MGAT4C: variants seen among roughly 807,000 people sequenced by gnomAD.
MGAT4C encodes MGAT4 family member C.
A neutral mutation model predicts 40.1 loss-of-function variants in MGAT4C; 19 were observed. That is an observed-to-expected ratio of 0.47 (90% CI 0.33 to 0.70). The LOEUF (loss-of-function observed/expected upper bound fraction) is 0.70. Among genes scored for constraint, MGAT4C ranks in the 30% least tolerant of loss-of-function variants. The probability of loss-of-function intolerance (pLI) is 0.02; values close to 1 mark genes in which losing one functional copy is unlikely to be tolerated. For synonymous variants in MGAT4C, 181 were observed against 187.1 expected, an observed-to-expected ratio of 0.97 and a Z score of 0.27; for missense variants, 491 against 563.2, an observed-to-expected ratio of 0.87 and a Z score of 1.30.
intron 2 of MGAT4C, among the ~76,000 whole-genome samples, chr12:86,723,856 AC>A (rs1950777440): frequency 6.6e-6 from 1 of 152,236 alleles, no homozygotes; most frequent in Non-Finnish European, 1.5e-5. Context: ...ATAAAATGTA[AC>A]AACTGCCTTA....
At chr12:86,662,208 T>A (rs1430714017) in intron 2 of MGAT4C, among the ~76,000 whole-genome samples, 1 of 152,142 alleles carries the variant, frequency 6.6e-6, no homozygotes, top group Non-Finnish European at 1.5e-5. Flanking sequence ...CAGAGCAATA[T>A]GAGATTAACT....
chr12:86,298,028 C>T (rs1331813567), intron 4 of MGAT4C, among the ~76,000 whole-genome samples: 1 of 151,914 alleles, frequency 6.6e-6, no homozygotes. Context: ...TACATACATG[C>T]ATAAATACAT....
chr12:86,764,768 A>C (rs1473944781), intron 1 of MGAT4C, among the ~76,000 whole-genome samples: 1 of 152,142 alleles, frequency 6.6e-6, no homozygotes, highest in Admixed American at 6.5e-5. Flanking sequence ...TCTGGAGTGG[A>C]CCTCTAGCAA....
chr12:86,125,466 C>T (rs1880077742), intron 1 of MGAT4C, among the ~76,000 whole-genome samples: 2 of 152,146 alleles, frequency 1.3e-5, no homozygotes, highest in African/African-American at 4.8e-5. Flanking sequence ...TAACCATTCC[C>T]ATTTTTTCCC....
intron 2 of MGAT4C, among the ~76,000 whole-genome samples, chr12:86,612,761 AGTAGAT>A (rs1459371698): frequency 1.3e-5 from 2 of 149,908 alleles, no homozygotes; most frequent in Non-Finnish European, 3.0e-5. Context: ...AAAAAAAAAA[AGTAGAT>A]GTTACATACC....
Position 86,102,697 on chromosome 12 carries a change from A to T in MGAT4C, c.-56-52974T>A, listed in dbSNP as rs540315043. Among the ~76,000 whole-genome samples the T allele has an allele frequency of 6.6e-5, 10 of 152,250 alleles. No individual in the cohort carries two copies. The East Asian group carries it at 1.7e-3, about 26-fold the overall frequency. On this transcript the variant is annotated intron_variant, in intron 1 of 4. Coordinates refer to ENST00000611864, the MANE Select transcript of MGAT4C (RefSeq NM_001351288.2). The stretch of plus-strand genomic sequence containing the variant: ...TGCATAAAGGAGAAAGGGGTGAAAG[A>T]TATCATTCTAATATAATTATTCTTA...
At chr12:86,350,936 A>G (rs1020017558) in intron 3 of MGAT4C, among the ~76,000 whole-genome samples, 2 of 151,618 alleles carry the variant, frequency 1.3e-5, no homozygotes, top group Admixed American at 1.3e-4. Flanking sequence ...CTTTATAGAC[A>G]TGTTGTTTTT....
intron 2 of MGAT4C, among the ~76,000 whole-genome samples, chr12:86,701,665 A>G (rs565962569): frequency 9.2e-5 from 14 of 152,250 alleles, no homozygotes; most frequent in African/African-American, 2.6e-4. Context: ...CACATTTCTC[A>G]CTTTAAGTCA....
intron 2 of MGAT4C, among the ~76,000 whole-genome samples, chr12:86,581,393 A>G (rs1286317684): frequency 6.6e-6 from 1 of 151,490 alleles, no homozygotes; most frequent in Non-Finnish European, 1.5e-5. Context: ...ATTAGGCCAA[A>G]AGACCTTCAA....
intron 3 of MGAT4C, among the ~76,000 whole-genome samples, chr12:86,432,134 C>T (rs1957050927): frequency 6.6e-6 from 1 of 152,026 alleles, no homozygotes; most frequent in Non-Finnish European, 1.5e-5. Flanking sequence ...TGAATCATTA[C>T]CTCTTAAATA....
chr12:86,112,368 C>T (rs1446662605), intron 1 of MGAT4C, among the ~76,000 whole-genome samples: 1 of 150,912 alleles, frequency 6.6e-6, no homozygotes, highest in Non-Finnish European at 1.5e-5. Flanking sequence ...ACTTAATGTC[C>T]TTGTAGGCTC....
intron 2 of MGAT4C, among the ~76,000 whole-genome samples, chr12:86,647,384 T>C (rs1963571390): frequency 6.6e-6 from 1 of 151,866 alleles, no homozygotes; most frequent in African/African-American, 2.4e-5. Flanking sequence ...AGTTAGAAAA[T>C]ATTTTGCTTC....
intron 1 of MGAT4C, among the ~76,000 whole-genome samples, chr12:86,767,054 C>T (rs1951523499): frequency 6.6e-6 from 1 of 152,006 alleles, no homozygotes; most frequent in African/African-American, 2.4e-5. Flanking sequence ...CACAAAAAAC[C>T]CTTCAAAAAA....
intron 1 of MGAT4C, among the ~76,000 whole-genome samples, chr12:86,069,560 A>G (rs1894873373): frequency 6.6e-6 from 1 of 152,162 alleles, no homozygotes; most frequent in Non-Finnish European, 1.5e-5. Flanking sequence ...TTGGGTAAGA[A>G]AATGAATCTA....
rs542513832 is a variant in MGAT4C at position 85,977,301 on chromosome 12, C to G, written c.*1988G>C. On this transcript the variant is annotated 3_prime_UTR_variant, in exon 5 of 5. Coordinates refer to ENST00000611864, the MANE Select transcript of MGAT4C (RefSeq NM_001351288.2). ...ACAATTGTGTACCTTTTATCATTGA[C>G]AGTGAAGAAAATAATGCCATTTGTA... is the stretch of plus-strand genomic sequence containing the variant. 1.3e-5 allele frequency: 2 copies of G among 151,286 alleles called. No homozygotes were observed. Among genetic ancestry groups the G allele is most frequent in the African/African-American group, 2.4e-5 (1 of 41,340 alleles). The allele number at this position is 151,286 out of a possible 1,614,324, so 9.4% of individuals were successfully genotyped here. A position where few individuals can be genotyped will look rare whatever the true frequency, so the allele number is the denominator to read the frequency against.
Position 85,979,249 on chromosome 12 carries a change from GAAGAACTGCTTCAGAAACT to G in MGAT4C, c.*21_*39del. 1 of 1,475,514 alleles carries G rather than the reference GAAGAACTGCTTCAGAAACT, an allele frequency of 6.8e-7. No homozygotes were observed. The highest frequency in any genetic ancestry group is 9.2e-7 in the Non-Finnish European group (1 of 1,092,580). The allele number at this position is 1,475,514 out of a possible 1,614,324, so 91.4% of individuals were successfully genotyped here. A position where few individuals can be genotyped will look rare whatever the true frequency, so the allele number is the denominator to read the frequency against. ...ACAAAGGTAGCAAAAGACGAAGCAG[GAAGAACTGCTTCAGAAACT>G]GAACATACTGATTTAATTGGCTAAG... On this transcript the variant is annotated 3_prime_UTR_variant, in exon 5 of 5. Coordinates refer to ENST00000611864, the MANE Select transcript of MGAT4C (RefSeq NM_001351288.2).
intron 1 of MGAT4C, among the ~76,000 whole-genome samples, chr12:86,824,210 A>C (rs1256661462): frequency 6.6e-6 from 1 of 151,438 alleles, no homozygotes; most frequent in Non-Finnish European, 1.5e-5. Flanking sequence ...GTGTTCAAGT[A>C]AATCTCACTT....
At chr12:86,391,223 T>C (rs1235537199) in intron 3 of MGAT4C, among the ~76,000 whole-genome samples, 2 of 152,134 alleles carry the variant, frequency 1.3e-5, no homozygotes, top group Non-Finnish European at 2.9e-5. Flanking sequence ...AAAACATACA[T>C]GAATTCACAG....
At chr12:86,699,901 C>T (rs1950324742) in intron 2 of MGAT4C, among the ~76,000 whole-genome samples, 1 of 151,444 alleles carries the variant, frequency 6.6e-6, no homozygotes, top group Non-Finnish European at 1.5e-5. Context: ...GTGGCAGAGG[C>T]AAAAGAGGTG....
Sources: gnomAD v4.1 joint callset for allele counts (sites outside exome capture counted in the v4.1 genomes callset) on GRCh38, gnomAD v4.1.1 for gene constraint, MANE v1.5 for transcripts, NCBI Gene and HGNC (gene_info 2026-07-23, HGNC 2026-07-21) for gene names.